The following ASXL3 variants were observed in gnomAD, a reference collection of about 807,000 sequenced individuals.
The protein encoded by ASXL3 is ASXL transcriptional regulator 3.
Under a neutral mutation model 170.6 loss-of-function variants are expected in ASXL3, and 34 were observed. The ratio of observed to expected loss-of-function variants is 0.20; its 90% CI spans 0.15 to 0.27. The LOEUF (loss-of-function observed/expected upper bound fraction) is 0.27, where lower values mean the gene tolerates loss of function less well. Ranked by LOEUF, ASXL3 falls within the 10% of genes least tolerant of loss-of-function variation. ASXL3 has a pLI of 1.00. For missense variants in ASXL3, 2,592 were observed against 2,695.3 expected, an observed-to-expected ratio of 0.96 and a Z score of 0.85; for synonymous variants, 1,002 against 989.1, an observed-to-expected ratio of 1.01 and a Z score of -0.24.
intron 1 of ASXL3, among the ~76,000 whole-genome samples, chr18:33,591,159 C>T (rs890224169): frequency 1.1e-4 from 17 of 152,178 alleles, no homozygotes; most frequent in African/African-American, 4.1e-4. Flanking sequence ...CTGCCATTTG[C>T]TGTTTATTCA....
chr18:33,639,029 T>G (rs189591086), intron 2 of ASXL3, among the ~76,000 whole-genome samples: 1 of 152,308 alleles, frequency 6.6e-6, no homozygotes, highest in Non-Finnish European at 1.5e-5. Flanking sequence ...AATTAAAATA[T>G]TACCTGAGCC....
intron 2 of ASXL3, among the ~76,000 whole-genome samples, chr18:33,644,688 T>G (rs533924376): frequency 1.3e-5 from 2 of 152,094 alleles, no homozygotes; most frequent in Admixed American, 1.3e-4. Context: ...ATGCATCTGA[T>G]TAACTTTGGT....
intron 4 of ASXL3, among the ~76,000 whole-genome samples, chr18:33,651,096 T>C (rs1350973039): frequency 6.6e-6 from 1 of 152,122 alleles, no homozygotes; most frequent in Non-Finnish European, 1.5e-5. Context: ...GAACACTTAG[T>C]AGCCAGTCAT....
intron 8 of ASXL3, among the ~76,000 whole-genome samples, chr18:33,698,449 A>G (rs925535058): frequency 3.9e-5 from 6 of 152,168 alleles, no homozygotes; most frequent in African/African-American, 1.4e-4. Context: ...TCTGAGGTGC[A>G]TTTGAGAAAT....
chr18:33,644,366 G>A (rs73955165), intron 2 of ASXL3, among the ~76,000 whole-genome samples: 519 of 151,952 alleles, frequency 3.4e-3, no homozygotes, highest in African/African-American at 0.011. Context: ...ATGCAGTCCT[G>A]TGAGTAACTT....
At chr18:33,674,267 A>G (rs2066391228) in intron 7 of ASXL3, among the ~76,000 whole-genome samples, 1 of 152,204 alleles carries the variant, frequency 6.6e-6, no homozygotes, top group Non-Finnish European at 1.5e-5. Flanking sequence ...AAGAAATGAC[A>G]TGGTGAGACT....
intron 1 of ASXL3, among the ~76,000 whole-genome samples, chr18:33,590,119 T>TG (rs2065065662): frequency 6.8e-6 from 1 of 147,890 alleles, no homozygotes; most frequent in African/African-American, 2.6e-5. Flanking sequence ...ATGTTTTTTT[T>TG]TTTTTTTTTT....
intron 1 of ASXL3, among the ~76,000 whole-genome samples, chr18:33,587,630 C>T (rs1039806936): frequency 2.0e-5 from 3 of 152,086 alleles, no homozygotes; most frequent in Admixed American, 6.6e-5. Context: ...GGTCACATAT[C>T]TTCTCCCTGT....
chr18:33,651,165 G>A (rs1432470091), intron 4 of ASXL3, among the ~76,000 whole-genome samples: 4 of 152,068 alleles, frequency 2.6e-5, no homozygotes, highest in African/African-American at 4.8e-5. Context: ...CTAAACTTAA[G>A]ACTTTGACAA....
rs1421976664 is a variant in ASXL3, at chr18:33,745,177, A to G, written c.5329A>G (p.Arg1777Gly). 1.2e-6 allele frequency: 2 copies of G among 1,614,010 alleles called. No homozygotes were observed. Among genetic ancestry groups the G allele is most frequent in the South Asian group, 2.2e-5 (2 of 91,086 alleles). ...PRLGAKLEIN[R>G]LPLPLQTTSV... ...ATTGGGAGCCAAGCTTGAAATCAAC[A>G]GGCTTCCATTGCCTCTTCAAACTAC... The change falls in exon 12 of 12, where the codon AGG (arginine) becomes GGG (glycine). Residue 1777 changes from arginine to glycine, a missense_variant. Around this residue, in one of 4 missense-constraint regions of ASXL3, gnomAD observed 2,246 missense variants for 2,219.6 expected, o/e 1.01. Transcript: ENST00000269197.
intron 1 of ASXL3, among the ~76,000 whole-genome samples, chr18:33,596,213 CAT>C (rs1331289546): frequency 2.0e-5 from 3 of 152,114 alleles, no homozygotes; most frequent in African/African-American, 7.2e-5. Context: ...TGAAAGAAGA[CAT>C]ATAGCTTAGT....
chr18:33,688,926 TA>T (rs1260380247), intron 8 of ASXL3, among the ~76,000 whole-genome samples: 1 of 152,160 alleles, frequency 6.6e-6, no homozygotes, highest in African/African-American at 2.4e-5. Context: ...TATTTGAGAA[TA>T]AGTTTGCAGC....
chr18:33,668,256 T>C (rs950151968), intron 5 of ASXL3, among the ~76,000 whole-genome samples: 5 of 151,974 alleles, frequency 3.3e-5, no homozygotes, highest in African/African-American at 1.2e-4. Flanking sequence ...TGAAACCCTG[T>C]CTCTACTAAA....
At chr18:33,727,221 C>T (rs1040016929) in intron 8 of ASXL3, among the ~76,000 whole-genome samples, 8 of 152,038 alleles carry the variant, frequency 5.3e-5, no homozygotes, top group Non-Finnish European at 1.2e-4. Context: ...CTCCAGCACT[C>T]ACTGTTCTCA....
intron 1 of ASXL3, among the ~76,000 whole-genome samples, chr18:33,604,607 C>T (rs8086965): frequency 0.33 from 49,464 of 151,752 alleles, 8,897 homozygotes; most frequent in Middle Eastern, 0.43. Context: ...CTGGACAAAG[C>T]CCCCCAAGGA....
Position 33,745,352 on chromosome 18 carries a change from T to C in ASXL3, c.5504T>C (p.Val1835Ala). The C allele has an allele frequency of 3.7e-6, 6 of 1,613,930 alleles. No individual in the cohort carries two copies. The highest frequency in any genetic ancestry group is 5.1e-6 in the Non-Finnish European group (6 of 1,179,872). ...CCCAAAAAGAGAGTAGCTAGGACTG[T>C]AGGAGAACACACTCAAGTTAAATGT... ...NHPKKRVART[V>A]GEHTQVKCEP... Residue 1835 changes from valine (V) to alanine (A), a missense_variant, in exon 12 of 12, where the codon GTA becomes GCA. By Grantham distance (64) the Val-to-Ala change is moderately conservative. Transcript: ENST00000269197.
chr18:33,734,043 A>T (rs778325225), intron 9 of ASXL3, among the ~76,000 whole-genome samples: 2 of 43,204 alleles, frequency 4.6e-5, no homozygotes, highest in Non-Finnish European at 7.6e-5. Context: ...CATTTGCTAA[A>T]TGCTTTAGCA....
At chr18:33,738,333 C>T (rs2067583191) in intron 10 of ASXL3, among the ~76,000 whole-genome samples, 154 bp from the exon 11 acceptor site, 1 of 152,190 alleles carries the variant, frequency 6.6e-6, no homozygotes, top group Admixed American at 6.5e-5. Context: ...GAAACATCAT[C>T]ATTGTAAACT....
chr18:33,666,929 C>A (rs1478608228), intron 5 of ASXL3, among the ~76,000 whole-genome samples: 2 of 152,238 alleles, frequency 1.3e-5, no homozygotes, highest in African/African-American at 2.4e-5. Context: ...GTGCTTGTGG[C>A]CTGAGCAGGT....
Sources: allele counts gnomAD v4.1 joint callset (sites outside exome capture counted in the v4.1 genomes callset), GRCh38; gene constraint gnomAD v4.1.1; regional missense constraint gnomAD v4.1.1; transcripts MANE v1.5; gene names NCBI Gene and HGNC (gene_info 2026-07-23, HGNC 2026-07-21).